Variants in NEDD9 observed in about 807,000 individuals in gnomAD.
NEDD9 encodes neural precursor cell expressed, developmentally down-regulated 9.
Under a neutral mutation model 76.6 loss-of-function variants are expected in NEDD9, and 26 were observed. The observed-to-expected ratio is 0.34, with a 90% confidence interval of 0.25 to 0.47. The LOEUF (loss-of-function observed/expected upper bound fraction) is 0.47, where lower values mean the gene tolerates loss of function less well. Ranked by LOEUF, NEDD9 falls within the 20% of genes least tolerant of loss-of-function variation. NEDD9 has a pLI of 1.00. For synonymous variants in NEDD9, 392 were observed against 414.2 expected (o/e 0.95, Z 0.65); for missense variants, 937 against 1,058.5 (o/e 0.89, Z 1.59).
chr6:11,200,787 T>G, intron 2 of NEDD9: 1 of 1,429,030 alleles, frequency 7.0e-7, no homozygotes, highest in South Asian at 1.5e-5. Flanking sequence ...TGTTTTCTGC[T>G]GTTCGTATCA....
intron 3 of NEDD9, among the ~76,000 whole-genome samples, chr6:11,283,735 C>A (rs1277296026): frequency 6.6e-6 from 1 of 152,152 alleles, no homozygotes. Flanking sequence ...TTAATGATTG[C>A]TTTTCCTTCA....
At chr6:11,323,359 G>A (rs1761853459) in intron 2 of NEDD9, among the ~76,000 whole-genome samples, 2 of 152,212 alleles carry the variant, frequency 1.3e-5, no homozygotes, top group South Asian at 4.1e-4. Flanking sequence ...TTTCAGAAAA[G>A]CAGGCACTGC....
intron 2 of NEDD9, among the ~76,000 whole-genome samples, chr6:11,314,787 G>A (rs529514455): frequency 2.0e-5 from 3 of 152,180 alleles, no homozygotes; most frequent in Non-Finnish European, 4.4e-5. Flanking sequence ...ACCTGGGCTC[G>A]ACTCTCAGGT....
intron 3 of NEDD9, among the ~76,000 whole-genome samples, chr6:11,257,055 A>G (rs1009413634): frequency 6.6e-6 from 1 of 152,230 alleles, no homozygotes; most frequent in Non-Finnish European, 1.5e-5. Flanking sequence ...CAGGCCCTGG[A>G]AAAATGTAAA....
At chr6:11,235,756 C>T (rs138866694), upstream of NEDD9, among the ~76,000 whole-genome samples, 665 of 152,210 alleles carry the variant, frequency 4.4e-3, 4 homozygotes, top group Non-Finnish European at 4.0e-3. The surrounding 1 kb of genome is among the most constrained non-coding windows in gnomAD (Gnocchi z 4.1). Context: ...GGGAAGGGCC[C>T]GCAGTAGGCA....
chr6:11,258,711 T>G (rs1287935842), intron 3 of NEDD9: 1 of 152,206 alleles, frequency 6.6e-6, no homozygotes, highest in Non-Finnish European at 1.5e-5. Flanking sequence ...CAGAGGGTAA[T>G]GTCCATTGGG....
At chr6:11,348,204 C>G (rs558838094) in intron 1 of NEDD9, among the ~76,000 whole-genome samples, 1 of 152,126 alleles carries the variant, frequency 6.6e-6, no homozygotes, top group Non-Finnish European at 1.5e-5. Flanking sequence ...GAATAAAATA[C>G]CTAGGAAACA....
chr6:11,273,477 A>C (rs1369262356), intron 3 of NEDD9, among the ~76,000 whole-genome samples: 4 of 152,278 alleles, frequency 2.6e-5, no homozygotes, highest in Admixed American at 6.5e-5. Flanking sequence ...CTGAATCATG[A>C]CAAGTGCCAC....
Position 11,190,777 on chromosome 6 carries a change from CCCAT to C in NEDD9, c.1088_1091del (p.Asp363GlyfsTer64). ...TACTGGAGAAAGACAATCGGTTGAT[CCCAT>C]CCACCAAGTCCCGAGAGCCTTTAGC... On this transcript the variant is annotated frameshift_variant, in exon 5 of 7. Coordinates refer to ENST00000379446, the MANE Select transcript of NEDD9 (RefSeq NM_006403.4). LOFTEE classifies it high-confidence loss of function. The surrounding 1 kb of genome is among the most constrained non-coding windows in gnomAD (Gnocchi z 5.8). The C allele has an allele frequency of 6.2e-7, 1 of 1,614,142 alleles. No individual in the cohort carries two copies. The highest frequency in any genetic ancestry group is 8.5e-7 in the Non-Finnish European group (1 of 1,180,026).
intron 1 of NEDD9, among the ~76,000 whole-genome samples, chr6:11,216,426 G>A (rs1369171956): frequency 1.3e-5 from 2 of 151,996 alleles, no homozygotes; most frequent in African/African-American, 2.4e-5. Context: ...TCACAGATGA[G>A]GAAATAGATT....
intron 1 of NEDD9, among the ~76,000 whole-genome samples, chr6:11,221,631 A>T (rs72827135): frequency 0.021 from 3,238 of 152,254 alleles, 56 homozygotes; most frequent in South Asian, 0.044. Context: ...CCGGACAAGG[A>T]TGCCCTTCCT....
chr6:11,345,027 A>T (rs1762339455), intron 1 of NEDD9, among the ~76,000 whole-genome samples: 1 of 152,184 alleles, frequency 6.6e-6, no homozygotes, highest in Non-Finnish European at 1.5e-5. Context: ...GGAAGTAGAG[A>T]AGATATTATG....
intron 1 of NEDD9, among the ~76,000 whole-genome samples, chr6:11,378,820 G>A (rs1356041143): frequency 6.6e-6 from 1 of 152,152 alleles, no homozygotes; most frequent in African/African-American, 2.4e-5. Flanking sequence ...CTAATCTGAA[G>A]CAAAAGTGAA....
intron 1 of NEDD9, among the ~76,000 whole-genome samples, chr6:11,355,939 T>A (rs373149276): frequency 2.0e-5 from 3 of 152,100 alleles, no homozygotes; most frequent in Non-Finnish European, 4.4e-5. Flanking sequence ...GCCAGGATGG[T>A]CTCGATCTCC....
intron 3 of NEDD9, among the ~76,000 whole-genome samples, chr6:11,259,615 A>G (rs1165615338): frequency 1.3e-5 from 2 of 152,226 alleles, no homozygotes; most frequent in South Asian, 2.1e-4. Context: ...TCTCAATTTG[A>G]AGCAAAAGAA....
Position 11,190,041 on chromosome 6 carries a change from C to T in NEDD9, c.1828G>A (p.Glu610Lys). Reference protein sequence around the residue: ...NKALPPGLSKEQAPDCSSSDG... With the variant: ...NKALPPGLSKKQAPDCSSSDG... ...CTGCTGCTACAGTCAGGGGCCTGCT[C>T]CTTGCTCAGGCCTGGGGGCAGTGCC... The change falls in exon 5 of 7, where the codon GAG becomes AAG. Residue 610 changes from glutamate (E) to lysine (K), a missense_variant. Coordinates refer to ENST00000379446, the MANE Select transcript of NEDD9 (RefSeq NM_006403.4). The surrounding 1 kb of genome is among the most constrained non-coding windows in gnomAD (Gnocchi z 5.8). 3 of 1,569,336 alleles carry T rather than the reference C, an allele frequency of 1.9e-6. No individual in the cohort carries two copies. Among genetic ancestry groups the T allele is most frequent in the South Asian group, 2.4e-5 (2 of 83,078 alleles).
intron 1 of NEDD9, among the ~76,000 whole-genome samples, chr6:11,372,684 G>A (rs1762898532): frequency 1.3e-5 from 2 of 152,138 alleles, no homozygotes; most frequent in African/African-American, 4.8e-5. Context: ...TTGCATATAA[G>A]CCATTTTAAC....
At chr6:11,268,566 A>G (rs1444399942) in intron 3 of NEDD9, among the ~76,000 whole-genome samples, 1 of 152,036 alleles carries the variant, frequency 6.6e-6, no homozygotes, top group Non-Finnish European at 1.5e-5. Flanking sequence ...TGTCTCTACT[A>G]AAAATACAAA....
chr6:11,300,417 G>A (rs936821288), intron 3 of NEDD9, among the ~76,000 whole-genome samples: 1 of 152,182 alleles, frequency 6.6e-6, no homozygotes, highest in African/African-American at 2.4e-5. Context: ...GGGAAGAATG[G>A]AATCAAGTTG....
Sources: gnomAD v4.1 joint callset for allele counts (sites outside exome capture counted in the v4.1 genomes callset) on GRCh38, gnomAD v4.1.1 for gene constraint, Gnocchi (gnomAD v3.1) non-coding constraint, MANE v1.5 for transcripts, NCBI Gene and HGNC (gene_info 2026-07-23, HGNC 2026-07-21) for gene names.